SORL1: variants seen among roughly 807,000 people sequenced by gnomAD.
SORL1 encodes the protein sortilin related receptor 1.
SORL1 carries 127 observed loss-of-function variants against 273.7 expected under a neutral mutation model. That is an observed-to-expected ratio of 0.46 (90% confidence interval 0.40 to 0.54). The LOEUF (loss-of-function observed/expected upper bound fraction) is 0.54, where lower values mean the gene tolerates loss of function less well. Ranked by LOEUF, SORL1 falls within the 20% of genes least tolerant of loss-of-function variation. The pLI, the probability that SORL1 is intolerant of heterozygous loss-of-function variation, is 0.00. For synonymous variants in SORL1, 1,031 were observed against 1,067.4 expected, an observed-to-expected ratio of 0.97 and a Z score of 0.66; for missense variants, 2,494 against 2,846.1, an observed-to-expected ratio of 0.88 and a Z score of 2.81.
chr11:121,582,447 A>G (rs1863026525), intron 25 of SORL1, among the ~76,000 whole-genome samples: 1 of 152,290 alleles, frequency 6.6e-6, no homozygotes, highest in Non-Finnish European at 1.5e-5. Context: ...AAACAAGGCC[A>G]GTCCTGGCTT....
At chr11:121,545,163 G>A (rs2134888883) in intron 13 of SORL1, 80 bp from the exon 14 acceptor site, 3 of 1,360,012 alleles carry the variant, frequency 2.2e-6, no homozygotes, top group Admixed American at 1.8e-5. Context: ...TGGGGGTTGA[G>A]GCCAGGCACC....
intron 5 of SORL1, among the ~76,000 whole-genome samples, chr11:121,493,923 G>A (rs1861592276): frequency 6.6e-6 from 1 of 152,164 alleles, no homozygotes; most frequent in Non-Finnish European, 1.5e-5. Context: ...TTTCCACAGA[G>A]GGTAGCTGTT....
At chr11:121,570,958 T>A (rs947026301) in intron 23 of SORL1, among the ~76,000 whole-genome samples, 3 of 152,236 alleles carry the variant, frequency 2.0e-5, no homozygotes, top group Non-Finnish European at 4.4e-5. Context: ...GCTTCGACAT[T>A]ATCTTATAAG....
intron 8 of SORL1, among the ~76,000 whole-genome samples, chr11:121,518,366 G>C (rs191534086): frequency 6.6e-6 from 1 of 152,128 alleles, no homozygotes; most frequent in African/African-American, 2.4e-5. Context: ...CAGGTCAAGT[G>C]GGGGAAAGGA....
chr11:121,549,104 T>C (rs1591322132), intron 14 of SORL1, among the ~76,000 whole-genome samples: 1 of 152,336 alleles, frequency 6.6e-6, no homozygotes, highest in East Asian at 1.9e-4. Flanking sequence ...GCTGGGAGGT[T>C]TGGCAGATGT....
chr11:121,488,497 A>G (rs183386816), intron 4 of SORL1, among the ~76,000 whole-genome samples: 40 of 152,226 alleles, frequency 2.6e-4, no homozygotes, highest in Non-Finnish European at 4.9e-4. Flanking sequence ...GAGGCTCTGG[A>G]ATTTAATCAG....
intron 5 of SORL1, among the ~76,000 whole-genome samples, chr11:121,491,563 T>C (rs1249090932): frequency 6.6e-6 from 1 of 152,210 alleles, no homozygotes; most frequent in Non-Finnish European, 1.5e-5. Flanking sequence ...CAGCTCCACC[T>C]ATAACTTTTC....
chr11:121,529,900 C>T (rs1245723898), intron 11 of SORL1, among the ~76,000 whole-genome samples: 1 of 152,120 alleles, frequency 6.6e-6, no homozygotes, highest in Non-Finnish European at 1.5e-5. Flanking sequence ...TCTGTCCTCT[C>T]TCCTTTTGTA....
chr11:121,583,223 T>A (rs1863037610), intron 25 of SORL1, among the ~76,000 whole-genome samples: 1 of 152,232 alleles, frequency 6.6e-6, no homozygotes, highest in Non-Finnish European at 1.5e-5. Flanking sequence ...CGTGTGCATC[T>A]GTCCCTGGGC....
Position 121,627,568 on chromosome 11 carries a change from T to A in SORL1, c.6378T>A (p.Ser2126=). The change falls in exon 47 of 48, where the codon TCT becomes TCA. Residue 2126 remains serine, a synonymous_variant. Coordinates refer to ENST00000260197, the MANE Select transcript of SORL1 (RefSeq NM_003105.6). This position sits in a 1 kb window ranked among gnomAD's most constrained non-coding sequence, Gnocchi z 4.9. ...TTGCCTTGGCAGGTGCAGATGCATC[T>A]GCAACGCAGGCTGCCAGATCTACGG... The part of the protein sequence containing the change: ...YDELGSGADA[S]ATQAARSTDV... The A allele has an allele frequency of 1.2e-6, 2 of 1,614,160 alleles. No individual in the cohort carries two copies. The highest frequency in any genetic ancestry group is 1.7e-6 in the Non-Finnish European group (2 of 1,180,006).
At chr11:121,604,388 C>A in intron 33 of SORL1, 64 bp downstream of exon 33, 4 of 1,585,492 alleles carry the variant, frequency 2.5e-6, no homozygotes, top group Non-Finnish European at 2.6e-6. Flanking sequence ...TACCCCAGGG[C>A]CCCTCCTGTG....
chr11:121,512,976 AT>A (rs758463224), intron 6 of SORL1, 26 bp from the exon 7 acceptor site: 138 of 1,503,320 alleles, frequency 9.2e-5, no homozygotes, highest in African/African-American at 5.9e-4. Context: ...GGCACCATTA[AT>A]TTTTTTTTCT....
intron 1 of SORL1, among the ~76,000 whole-genome samples, chr11:121,467,354 G>A (rs1376163912): frequency 6.6e-6 from 1 of 152,092 alleles, no homozygotes; most frequent in Non-Finnish European, 1.5e-5. Context: ...TGTCCTCTGA[G>A]TAGATCGATT....
In SORL1 at chr11:121,619,830, A is replaced by G. The variant is rs747106581; in HGVS notation, c.5802A>G (p.Pro1934=). Residue 1934 remains proline, a synonymous_variant, in exon 43 of 48, where the codon CCA becomes CCG. Coordinates refer to ENST00000260197, the MANE Select transcript of SORL1 (RefSeq NM_003105.6). ...VVKMIPDSRL[P]PRHLHVVHTG... Reference sequence around the variant, plus strand: ...AGATGATCCCGGACAGCAGGCTTCCACCCCGTCACCTGCATGTGGTTCATA... The same window carrying G: ...AGATGATCCCGGACAGCAGGCTTCCGCCCCGTCACCTGCATGTGGTTCATA... The G allele has an allele frequency of 6.2e-6, 10 of 1,613,724 alleles. No individual in the cohort carries two copies. Among genetic ancestry groups the G allele is most frequent in the African/African-American group, 1.3e-5 (1 of 74,876 alleles).
At position 121,627,440 on chromosome 11, in the gene SORL1, T is replaced by G; in HGVS notation, c.6365-115T>G. The G allele has an allele frequency of 6.4e-6, 5 of 776,284 alleles. No individual in the cohort carries two copies. The highest frequency in any genetic ancestry group is 8.8e-6 in the Non-Finnish European group (4 of 453,774). 48.1% of individuals were successfully genotyped at this position (776,284 alleles called of 1,614,324 possible). ...GAAACGTCTCACACCAGACAGGCAG[T>G]TTGTGTAGCTGTGGCTATCGCCCAG... On this transcript the variant is annotated intron_variant, in intron 46 of 47. Coordinates refer to ENST00000260197, the MANE Select transcript of SORL1 (RefSeq NM_003105.6). This position sits in a 1 kb window ranked among gnomAD's most constrained non-coding sequence, Gnocchi z 4.9.
rs1485373506 is a variant in SORL1, at chr11:121,630,767, G to T, written c.*1204G>T. On this transcript the variant is annotated 3_prime_UTR_variant, in exon 48 of 48. Transcript: ENST00000260197. ...CCAGTTAACAACAGCAGGAGCACTAGAGTTTGTTCATTTATTCTCTCTGTA... is the reference window on the plus strand; with the variant it reads ...CCAGTTAACAACAGCAGGAGCACTATAGTTTGTTCATTTATTCTCTCTGTA... 6.6e-6 allele frequency: 1 copy of T among 152,210 alleles called. No homozygotes were observed. The highest frequency in any genetic ancestry group is 1.5e-5 in the Non-Finnish European group (1 of 68,046). 9.4% of individuals were successfully genotyped at this position (152,210 alleles called of 1,614,324 possible).
At chr11:121,505,017 T>C (rs1054699672) in intron 6 of SORL1, among the ~76,000 whole-genome samples, 1 of 152,220 alleles carries the variant, frequency 6.6e-6, no homozygotes, top group African/African-American at 2.4e-5. Flanking sequence ...CTTTCTCATA[T>C]GTTAAACCAA....
chr11:121,491,201 A>G (rs1861547793), intron 5 of SORL1, among the ~76,000 whole-genome samples: 1 of 152,198 alleles, frequency 6.6e-6, no homozygotes, highest in Admixed American at 6.6e-5. Flanking sequence ...TTGGTATTAG[A>G]ATCTGCATCG....
intron 6 of SORL1, among the ~76,000 whole-genome samples, chr11:121,504,986 T>A (rs144537199): frequency 1.3e-5 from 2 of 152,082 alleles, no homozygotes; most frequent in Non-Finnish European, 2.9e-5. Context: ...TCTATTAACA[T>A]TGAATATTAC....
Sources: gnomAD v4.1 joint callset for allele counts (sites outside exome capture counted in the v4.1 genomes callset) on GRCh38, gnomAD v4.1.1 for gene constraint, Gnocchi (gnomAD v3.1) non-coding constraint, MANE v1.5 for transcripts, NCBI Gene and HGNC (gene_info 2026-07-23, HGNC 2026-07-21) for gene names.